FYB1: variants seen among roughly 807,000 people sequenced by gnomAD.
FYB1 encodes the protein FYN-binding protein 1.
Under a neutral mutation model 94.1 loss-of-function variants are expected in FYB1, and 41 were observed. The observed-to-expected ratio is 0.44, with a 90% CI of 0.34 to 0.57. FYB1 has a LOEUF of 0.57. Ranked by LOEUF, FYB1 falls within the 20% of genes least tolerant of loss-of-function variation. The pLI is 0.02. For missense variants in FYB1, 1,050 were observed against 976.8 expected, an observed-to-expected ratio of 1.07 and a Z score of -1.00; for synonymous variants, 367 against 353.2, an observed-to-expected ratio of 1.04 and a Z score of -0.44.
At chr5:39,197,808 C>A (rs975597468) in intron 2 of FYB1, among the ~76,000 whole-genome samples, 1 of 152,354 alleles carries the variant, frequency 6.6e-6, no homozygotes, top group South Asian at 2.1e-4. Context: ...CTACTGCTCT[C>A]TACCAGCCTT....
intron 2 of FYB1, among the ~76,000 whole-genome samples, chr5:39,189,235 CTTT>C (rs199894461): frequency 4.4e-5 from 6 of 136,958 alleles, no homozygotes; most frequent in African/African-American, 1.6e-4. Context: ...TATGGAATTC[CTTT>C]TTTTTTTTTT....
chr5:39,172,056 G>A (rs1745294537), intron 2 of FYB1, among the ~76,000 whole-genome samples: 3 of 152,154 alleles, frequency 2.0e-5, no homozygotes, highest in Admixed American at 2.0e-4. Context: ...AGTCTTTAAT[G>A]CATTCTTTAT....
chr5:39,137,753 T>C, intron 6 of FYB1, 33 bp from the exon 7 acceptor site: 1 of 1,550,134 alleles, frequency 6.5e-7, no homozygotes. Context: ...TGTTTTCACA[T>C]CTGCAGGTGT....
At chr5:39,123,358 T>C (rs761879047) in intron 13 of FYB1, among the ~76,000 whole-genome samples, 1 of 152,172 alleles carries the variant, frequency 6.6e-6, no homozygotes, top group African/African-American at 2.4e-5. Flanking sequence ...GGGTCAAAGT[T>C]ACTACTCCGT....
chr5:39,124,056 T>C (rs1472704436), intron 13 of FYB1, among the ~76,000 whole-genome samples, 197 bp downstream of exon 13: 1 of 152,144 alleles, frequency 6.6e-6, no homozygotes, highest in Non-Finnish European at 1.5e-5. Context: ...AAACTATCAG[T>C]CTTTTTAATT....
chr5:39,187,466 A>T (rs1579608674), intron 2 of FYB1, among the ~76,000 whole-genome samples: 1 of 152,242 alleles, frequency 6.6e-6, no homozygotes, highest in South Asian at 2.1e-4. Context: ...CTAAAACATC[A>T]CTGAAGAACA....
intron 1 of FYB1, among the ~76,000 whole-genome samples, chr5:39,259,330 A>G (rs1037163368): frequency 6.6e-6 from 1 of 152,220 alleles, no homozygotes; most frequent in African/African-American, 2.4e-5. Flanking sequence ...ACAGCACAGC[A>G]CCAGGAGCTA....
rs145698155 is a variant in FYB1 at position 39,196,542 on chromosome 5, A to C, written c.1135+5284T>G. Among the ~76,000 whole-genome samples the C allele has an allele frequency of 4.6e-5, 7 of 152,206 alleles. 1 individual carries two copies. The East Asian group carries it at 1.4e-3, about 29-fold the overall frequency. On this transcript the variant is annotated intron_variant, in intron 2 of 18. Transcript: ENST00000512982. ...AGAATAAACTTGAGAAGCTAACAAA[A>C]ATTTATATTACTTTTGTACTCCAAA...
At chr5:39,188,038 A>T (rs1009772189) in intron 2 of FYB1, among the ~76,000 whole-genome samples, 2 of 152,142 alleles carry the variant, frequency 1.3e-5, no homozygotes, top group African/African-American at 4.8e-5. Flanking sequence ...TGGGTAGAAC[A>T]CGTCACCACT....
intron 4 of FYB1, 95 bp from the exon 5 acceptor site, chr5:39,139,347 T>A: frequency 2.9e-6 from 3 of 1,050,994 alleles, no homozygotes; most frequent in Non-Finnish European, 3.9e-6. Flanking sequence ...TTCAAAATAG[T>A]TCATAATCTA....
chr5:39,238,878 T>C (rs1751086945), intron 1 of FYB1, among the ~76,000 whole-genome samples: 2 of 152,058 alleles, frequency 1.3e-5, no homozygotes, highest in African/African-American at 4.8e-5. Flanking sequence ...CGTGAAAACC[T>C]CTTTGTGTGT....
intron 12 of FYB1, among the ~76,000 whole-genome samples, chr5:39,124,813 C>T (rs540528372): frequency 6.6e-6 from 1 of 151,854 alleles, no homozygotes. Flanking sequence ...AGAGTGAGAG[C>T]TTATTAATTA....
intron 1 of FYB1, among the ~76,000 whole-genome samples, chr5:39,215,109 C>T (rs1749741047): frequency 6.6e-6 from 1 of 152,000 alleles, no homozygotes; most frequent in Non-Finnish European, 1.5e-5. Flanking sequence ...TCAATAGTGG[C>T]AATGTTTGCG....
rs1441310304 is a variant in FYB1 at position 39,137,732 on chromosome 5, A to C, written c.1395-12T>G. On this transcript the variant is annotated splice_polypyrimidine_tract_variant and intron_variant, in intron 6 of 18. Transcript: ENST00000512982. ...CTTTGGATGCTTCTCTGTGAGTAAAAATTGTTAGGTTGTTTTCACATCTGC... is the reference window on the plus strand; with the variant it reads ...CTTTGGATGCTTCTCTGTGAGTAAACATTGTTAGGTTGTTTTCACATCTGC... The C allele has an allele frequency of 6.5e-7, 1 of 1,550,340 alleles. No individual in the cohort carries two copies. The highest frequency in any genetic ancestry group is 1.4e-5 in the African/African-American group (1 of 72,822).
At chr5:39,251,725 T>A (rs1229137055) in intron 1 of FYB1, among the ~76,000 whole-genome samples, 1 of 152,112 alleles carries the variant, frequency 6.6e-6, no homozygotes, top group Non-Finnish European at 1.5e-5. Flanking sequence ...TACTTATTTA[T>A]ACATGGATAA....
At chr5:39,125,468 A>T (rs1740565875) in intron 12 of FYB1, among the ~76,000 whole-genome samples, 1 of 152,214 alleles carries the variant, frequency 6.6e-6, no homozygotes. Context: ...TTAATATATC[A>T]TTAGAGTGTA....
At chr5:39,185,579 CATATATACATATATATACATAT>C (rs1561230043) in intron 2 of FYB1, among the ~76,000 whole-genome samples, 2 of 141,116 alleles carry the variant, frequency 1.4e-5, no homozygotes, top group Non-Finnish European at 3.0e-5. Context: ...TATATATATA[CATATATACATATATATACATAT>C]ATATACACAT....
At chr5:39,186,324 T>C (rs1297035636) in intron 2 of FYB1, among the ~76,000 whole-genome samples, 1 of 152,150 alleles carries the variant, frequency 6.6e-6, no homozygotes, top group African/African-American at 2.4e-5. Flanking sequence ...CTCAGGAGGC[T>C]GAGGCAGGAG....
Position 39,226,226 on chromosome 5 carries a change from T to C in FYB1, c.-27-23239A>G, listed in dbSNP as rs116164345. 4.8e-3 allele frequency among the ~76,000 whole-genome samples: 725 copies of C among 152,302 alleles called. 6 individuals are homozygous for C. Among genetic ancestry groups the C allele is most frequent in the African/African-American group, 0.016 (677 of 41,566 alleles). ...CCCAAGTGTTGTTTGAATTCAGCCT[T>C]TTCCCTCCAGTCTCAGTGCACCAAC... On this transcript the variant is annotated intron_variant, in intron 1 of 1. Transcript: ENST00000510188.
Sources: gnomAD v4.1 joint callset for allele counts (sites outside exome capture counted in the v4.1 genomes callset) on GRCh38, gnomAD v4.1.1 for gene constraint, MANE v1.5 for transcripts, NCBI Gene and HGNC (gene_info 2026-07-23, HGNC 2026-07-21) for gene names.